Variants in STAB1 observed in about 807,000 individuals in gnomAD.
STAB1 encodes the protein stabilin-1.
In STAB1, 250 loss-of-function variants were observed where a neutral mutation model predicts 332.4. The ratio of observed to expected loss-of-function variants is 0.75; its 90% CI spans 0.68 to 0.84. The LOEUF (loss-of-function observed/expected upper bound fraction) is 0.84, where lower values mean the gene tolerates loss of function less well. Among genes scored for constraint, STAB1 ranks in the 40% least tolerant of loss-of-function variants. The pLI, the probability that STAB1 is intolerant of heterozygous loss-of-function variation, is 0.00. For missense variants in STAB1, 3,249 were observed against 3,489.7 expected, an observed-to-expected ratio of 0.93 and a Z score of 1.74; for synonymous variants, 1,475 against 1,390.4, an observed-to-expected ratio of 1.06 and a Z score of -1.35.
At position 52,521,003 on chromosome 3, in the gene STAB1, A is replaced by G; in HGVS notation, c.5906A>G (p.Gln1969Arg). 1.3e-6 allele frequency: 2 copies of G among 1,539,872 alleles called. No homozygotes were observed. The highest frequency in any genetic ancestry group is 1.7e-6 in the Non-Finnish European group (2 of 1,145,352). The change falls in exon 55 of 69, where the codon CAA becomes CGA. Residue 1969 changes from glutamine to arginine, a missense_variant and splice_region_variant. Physicochemically the swap from Gln to Arg is conservative, Grantham distance 43 (BLOSUM62 1). Coordinates refer to ENST00000321725, the MANE Select transcript of STAB1 (RefSeq NM_015136.3). Reference protein sequence around the residue: ...CCPGHYGSECQACPGGPSSPC... With the variant: ...CCPGHYGSECRACPGGPSSPC... ...CCTGGTCACTATGGCAGTGAGTGCC[A>G]AGGTGAGCATTGCAGACACTGTTGA...
chr3:52,522,007 T>G, intron 58 of STAB1, 30 bp from the exon 59 acceptor site: 1 of 1,611,278 alleles, frequency 6.2e-7, no homozygotes, highest in Non-Finnish European at 8.5e-7. Context: ...CTGCAGTCAC[T>G]AGGTCCAACC....
At position 52,519,400 on chromosome 3, in the gene STAB1, C is replaced by G. The variant is rs1236445778; in HGVS notation, c.5171C>G (p.Pro1724Arg). ...TGGGAGCCTGATGATGCTCCCATCC[C>G]GAGGGTATGACAAGCACGGGCCTGG... ...LHWEPDDAPI[P>R]RRNVTAAAQG... Residue 1724 changes from proline to arginine, a missense_variant, in exon 49 of 69, where the codon CCG (proline) becomes CGG (arginine). Coordinates refer to ENST00000321725, the MANE Select transcript of STAB1 (RefSeq NM_015136.3). 1 of 1,612,996 alleles carries G rather than the reference C, an allele frequency of 6.2e-7. No individual in the cohort carries two copies. The highest frequency in any genetic ancestry group is 1.3e-5 in the African/African-American group (1 of 75,052).
At chr3:52,512,998 G>T in intron 29 of STAB1, 40 bp downstream of exon 29, 1 of 1,597,170 alleles carries the variant, frequency 6.3e-7, no homozygotes, top group Non-Finnish European at 8.5e-7. Context: ...GGGCTTCCTT[G>T]AGGGACCCAG....
At chr3:52,503,632 T>A in intron 8 of STAB1, 92 bp downstream of exon 8, 3 of 1,562,596 alleles carry the variant, frequency 1.9e-6, no homozygotes, top group Non-Finnish European at 2.6e-6. Flanking sequence ...TCTGGTAGCC[T>A]CAGTTTCCCC....
chr3:52,506,294 A>G, intron 17 of STAB1, 44 bp downstream of exon 17: 9 of 1,548,276 alleles, frequency 5.8e-6, no homozygotes, highest in Non-Finnish European at 7.1e-6. Flanking sequence ...GCTGGCGGTG[A>G]CCAGCTGCCC....
rs369392201 is a variant in STAB1, at chr3:52,516,737, G to A, written c.4332G>A (p.Ala1444=). 257 of 1,611,184 alleles carry A rather than the reference G, an allele frequency of 1.6e-4. No individual in the cohort carries two copies. Among genetic ancestry groups the A allele is most frequent in the Non-Finnish European group, 1.9e-4 (225 of 1,179,662 alleles). Residue 1444 remains alanine, a synonymous_variant, in exon 41 of 69, where the codon GCG becomes GCA. Transcript: ENST00000321725. ...SAGASTCACA[A]GYSGNGIFCS... ...GAGCCTCCACCTGCGCCTGTGCTGC[G>A]GGATACTCCGGCAATGGCATCTTCT...
rs764921346 is a variant in STAB1, at chr3:52,523,443, A to T, written c.7157A>T (p.Asp2386Val). Residue 2386 changes from aspartate (D) to valine (V), a missense_variant, in exon 65 of 69, where the codon GAC (aspartate) becomes GTC (valine). Asp to Val is a radical substitution (Grantham distance 152). Coordinates refer to ENST00000321725, the MANE Select transcript of STAB1 (RefSeq NM_015136.3). ...FVDNMTLSGP[D>V]LELHASNATL... ...TGCTCACAGACGCTGAGTGGCCCAG[A>T]CTTGGAGCTGCATGCCTCCAACGCC... 6.2e-7 allele frequency: 1 copy of T among 1,609,110 alleles called. No homozygotes were observed. Among genetic ancestry groups the T allele is most frequent in the African/African-American group, 1.3e-5 (1 of 74,866 alleles).
At chr3:52,511,919 C>A (rs1709328809) in intron 26 of STAB1, among the ~76,000 whole-genome samples, 174 bp downstream of exon 26, 2 of 152,186 alleles carry the variant, frequency 1.3e-5, no homozygotes, top group African/African-American at 4.8e-5. Flanking sequence ...CCGCCCCTGC[C>A]CAGCCTCGTC....
In STAB1 at chr3:52,514,847, C is replaced by T; in HGVS notation, c.3807+18C>T. 3.7e-6 allele frequency: 6 copies of T among 1,612,840 alleles called. No homozygotes were observed. The highest frequency in any genetic ancestry group is 1.7e-4 in the Middle Eastern group (1 of 6,034). On this transcript the variant is annotated intron_variant, in intron 35 of 68. Transcript: ENST00000321725. ...CCCTGCGGGTGAGAGGCTGGGGCCACAGGAAGGCCGGCACGGGAGTTCAGA... is the reference window on the plus strand; with the variant it reads ...CCCTGCGGGTGAGAGGCTGGGGCCATAGGAAGGCCGGCACGGGAGTTCAGA...
chr3:52,519,555 C>T lies in STAB1; in HGVS notation c.5226C>T (p.Gly1742=), dbSNP rs746107233. Residue 1742 remains glycine, a synonymous_variant, in exon 50 of 69, where the codon GGC becomes GGT. Transcript: ENST00000321725. ...GCTTCGGTTACAAGATCTTCAGCGGCCTCCTGAAGGTACTGCTCCCGTGTG... is the reference window on the plus strand; with the variant it reads ...GCTTCGGTTACAAGATCTTCAGCGGTCTCCTGAAGGTACTGCTCCCGTGTG... The part of the protein sequence containing the change: ...AQGFGYKIFS[G]LLKVAGLLPL... The T allele has an allele frequency of 6.2e-7, 1 of 1,613,166 alleles. No individual in the cohort carries two copies. Among genetic ancestry groups the T allele is most frequent in the African/African-American group, 1.3e-5 (1 of 74,934 alleles).
chr3:52,524,007 C>T lies in STAB1; in HGVS notation c.7532C>T (p.Ser2511Phe), dbSNP rs2079178556. 1 of 1,612,234 alleles carries T rather than the reference C, an allele frequency of 6.2e-7. No individual in the cohort carries two copies. ...GGCAAGCCCATGGGCTTTGGCTTCT[C>T]TGCCTTCCAGGTAGGGCTGGGTTGG... The part of the protein sequence containing the change: ...ARGKPMGFGF[S>F]AFQAEDDADD... Residue 2511 changes from serine (S) to phenylalanine (F), a missense_variant, in exon 67 of 69, where the codon TCT (serine) becomes TTT (phenylalanine). By Grantham distance (155) the Ser-to-Phe change is radical. Transcript: ENST00000321725.
At position 52,522,059 on chromosome 3, in the gene STAB1, G is replaced by C; in HGVS notation, c.6294G>C (p.Gly2098=). The C allele has an allele frequency of 6.2e-7, 1 of 1,613,376 alleles. No individual in the cohort carries two copies. The highest frequency in any genetic ancestry group is 1.3e-5 in the African/African-American group (1 of 75,056). The change falls in exon 59 of 69, where the codon GGG becomes GGC. Residue 2098 remains glycine, a synonymous_variant. Coordinates refer to ENST00000321725, the MANE Select transcript of STAB1 (RefSeq NM_015136.3). ...CAGTGGCAGACCTGTGCCAGGACGG[G>C]CATGGTGGCTGCAGTGAGCACGCCA... ...VCTVADLCQD[G]HGGCSEHANC...
chr3:52,513,896 C>T lies in STAB1; in HGVS notation c.3362C>T (p.Pro1121Leu), dbSNP rs746203685. ...LHILSQVLLP[P>L]RGDVPGGQGL... The stretch of plus-strand genomic sequence containing the variant: ...GCTCTGTACCAGGTCTTACTGCCCC[C>T]CCGAGGGGATGTGCCCGGTGGGCAG... The change falls in exon 32 of 69, where the codon CCC (proline) becomes CTC (leucine). Residue 1121 changes from proline to leucine, a missense_variant. Physicochemically the swap from Pro to Leu is moderately conservative, Grantham distance 98. Transcript: ENST00000321725. The T allele has an allele frequency of 5.0e-6, 8 of 1,604,644 alleles. No homozygotes were observed. The highest frequency in any genetic ancestry group is 6.0e-6 in the Non-Finnish European group (7 of 1,173,386).
intron 2 of STAB1, 113 bp from the exon 3 acceptor site, chr3:52,501,525 G>A: frequency 8.5e-7 from 1 of 1,175,808 alleles, no homozygotes; most frequent in Non-Finnish European, 1.2e-6. Flanking sequence ...GCTCAGCTCT[G>A]GGCCAGGCAG....
chr3:52,495,744 C>T (rs1033767290), intron 1 of STAB1, among the ~76,000 whole-genome samples: 12 of 152,232 alleles, frequency 7.9e-5, no homozygotes, highest in Admixed American at 1.3e-4. Flanking sequence ...GGCTCCCCAG[C>T]GTGCAGCTGA....
Position 52,520,686 on chromosome 3 carries a change from G to T in STAB1, c.5694G>T (p.Gly1898=). 1 of 1,607,936 alleles carries T rather than the reference G, an allele frequency of 6.2e-7. No homozygotes were observed. The highest frequency in any genetic ancestry group is 8.5e-7 in the Non-Finnish European group (1 of 1,178,344). ...GGCTGGAGCCACCCTGTCCTGAGGG[G>T]TCACAGGAGCAGGTACAGGGCTAGG... ...ICGLEPPCPE[G]SQEQGSPEAC... is the part of the protein sequence containing the mutation. The change falls in exon 54 of 69, where the codon GGG becomes GGT. Residue 1898 remains glycine, a synonymous_variant. Transcript: ENST00000321725.
At chr3:52,510,619 C>A in intron 25 of STAB1, 112 bp downstream of exon 25, 1 of 1,364,190 alleles carries the variant, frequency 7.3e-7, no homozygotes, top group Non-Finnish European at 9.8e-7. Context: ...GCCTCAGGTG[C>A]AGATGAGAAC....
chr3:52,505,734 G>A lies in STAB1; in HGVS notation c.1648G>A (p.Ala550Thr), dbSNP rs773774831. Reference protein sequence around the residue: ...PFTVFAPSNEAVDSLRDGRLI... With the variant: ...PFTVFAPSNETVDSLRDGRLI... ...CACAGTCTTTGCCCCAAGCAATGAGGCTGTGGACAGCTTGCGTGACGGCCG... is the reference window on the plus strand; with the variant it reads ...CACAGTCTTTGCCCCAAGCAATGAGACTGTGGACAGCTTGCGTGACGGCCG... Residue 550 changes from alanine to threonine, a missense_variant, in exon 15 of 69, where the codon GCT becomes ACT. Ala to Thr is a moderately conservative substitution (Grantham distance 58, BLOSUM62 0). Coordinates refer to ENST00000321725, the MANE Select transcript of STAB1 (RefSeq NM_015136.3). The A allele has an allele frequency of 1.2e-6, 2 of 1,613,902 alleles. No individual in the cohort carries two copies. Among genetic ancestry groups the A allele is most frequent in the South Asian group, 2.2e-5 (2 of 91,084 alleles).
rs1441897571 is a variant in STAB1, at chr3:52,521,922, G to A, written c.6242G>A (p.Gly2081Asp). The change falls in exon 58 of 69, where the codon GGC becomes GAC. Residue 2081 changes from glycine to aspartate, a missense_variant. By Grantham distance (94) the Gly-to-Asp change is moderately conservative. Coordinates refer to ENST00000321725, the MANE Select transcript of STAB1 (RefSeq NM_015136.3). ...GGCAACAGCTGTGAGTGCAGCCTGG[G>A]CTATGAAGGGGATGGCCGTGTGTGT... is the stretch of plus-strand genomic sequence containing the variant. The part of the protein sequence containing the change: ...RAGNSCECSL[G>D]YEGDGRVCTV... The A allele has an allele frequency of 1.2e-6, 2 of 1,609,464 alleles. No individual in the cohort carries two copies. The highest frequency in any genetic ancestry group is 1.7e-5 in the Admixed American group (1 of 59,848).
Sources: gnomAD v4.1 joint callset for allele counts (sites outside exome capture counted in the v4.1 genomes callset) on GRCh38, gnomAD v4.1.1 for gene constraint, MANE v1.5 for transcripts, NCBI Gene and HGNC (gene_info 2026-07-23, HGNC 2026-07-21) for gene names.